METTL16: variants seen among roughly 807,000 people sequenced by gnomAD.
METTL16 encodes RNA N(6)-adenosine-methyltransferase METTL16.
A neutral mutation model predicts 57.9 loss-of-function variants in METTL16; 19 were observed. The observed-to-expected ratio is 0.33, with a 90% CI of 0.23 to 0.48. The LOEUF is 0.48. Among genes scored for constraint, METTL16 ranks in the 20% least tolerant of loss-of-function variants. The probability of loss-of-function intolerance (pLI) is 0.99; values close to 1 mark genes in which losing one functional copy is unlikely to be tolerated. For missense variants in METTL16, 434 were observed against 691.5 expected, an observed-to-expected ratio of 0.63 and a Z score of 4.18; for synonymous variants, 246 against 255.6, an observed-to-expected ratio of 0.96 and a Z score of 0.36.
chr17:2,429,093 G>T (rs2066849629), intron 8 of METTL16, among the ~76,000 whole-genome samples: 1 of 151,972 alleles, frequency 6.6e-6, no homozygotes, highest in Non-Finnish European at 1.5e-5. Context: ...CCCGACCTCA[G>T]GTGATCCACC....
intron 6 of METTL16, among the ~76,000 whole-genome samples, chr17:2,462,554 C>A (rs2067158141): frequency 6.6e-6 from 1 of 152,150 alleles, no homozygotes; most frequent in African/African-American, 2.4e-5. Context: ...ATCCTGAGGG[C>A]AGATTTCCCC....
intron 2 of METTL16, among the ~76,000 whole-genome samples, chr17:2,483,010 G>A (rs1019333138): frequency 6.7e-6 from 1 of 149,810 alleles, no homozygotes; most frequent in African/African-American, 2.5e-5. Flanking sequence ...GTGAAAATCA[G>A]ATCATATAGT....
At position 2,416,693 on chromosome 17, in the gene METTL16, C is replaced by T. The variant is rs2066718948; in HGVS notation, c.*3277G>A. 1 of 152,112 alleles carries T rather than the reference C, an allele frequency of 6.6e-6. No homozygotes were observed. The highest frequency in any genetic ancestry group is 1.5e-5 in the Non-Finnish European group (1 of 68,024). The allele number at this position is 152,112 out of a possible 1,614,324, so 9.4% of individuals were successfully genotyped here. ...CTTCAGTTATCAGGAGACCAGAAGC[C>T]GATTCTAGGGACCAGAAGAGAATGT... On this transcript the variant is annotated 3_prime_UTR_variant, in exon 10 of 10. Transcript: ENST00000263092.
rs550371919 is a variant in METTL16 at position 2,467,712 on chromosome 17, C to T, written c.585+49G>A. ...AAGTGCAGGGATTACAGGCGTGAGC[C>T]ACCGCGCCCAGCCTATATTCAATTA... On this transcript the variant is annotated intron_variant, in intron 5 of 9. Transcript: ENST00000263092. The T allele has an allele frequency of 6.8e-5, 99 of 1,459,070 alleles. 1 individual carries two copies. The South Asian group carries it at 1.1e-3, about 16-fold the overall frequency. 90.4% of individuals were successfully genotyped at this position (1,459,070 alleles called of 1,614,324 possible). A position where few individuals can be genotyped will look rare whatever the true frequency, so the allele number is the denominator to read the frequency against.
intron 7 of METTL16, among the ~76,000 whole-genome samples, chr17:2,439,700 T>C (rs940807008): frequency 1.3e-5 from 2 of 152,184 alleles, no homozygotes; most frequent in Admixed American, 1.3e-4. Flanking sequence ...GGTTTTTTGA[T>C]TTCTGGCTTC....
chr17:2,507,463 G>A (rs1413168236), intron 1 of METTL16, among the ~76,000 whole-genome samples: 1 of 149,632 alleles, frequency 6.7e-6, no homozygotes. Context: ...GAAGTGAGGA[G>A]CCCCTCTGCC....
At chr17:2,471,154 T>C (rs2067232023) in intron 4 of METTL16, among the ~76,000 whole-genome samples, 1 of 152,150 alleles carries the variant, frequency 6.6e-6, no homozygotes, top group African/African-American at 2.4e-5. Flanking sequence ...ATCACAGACC[T>C]AAATGTAAAA....
intron 8 of METTL16, among the ~76,000 whole-genome samples, chr17:2,425,827 T>C (rs1402467380): frequency 1.3e-5 from 2 of 152,064 alleles, no homozygotes; most frequent in Admixed American, 6.6e-5. Context: ...GCAGGGACTA[T>C]AGGTGTGTGC....
Position 2,418,223 on chromosome 17 carries a change from CAT to C in METTL16, c.*1745_*1746del, listed in dbSNP as rs749803323. On this transcript the variant is annotated 3_prime_UTR_variant, in exon 10 of 10. Coordinates refer to ENST00000263092, the MANE Select transcript of METTL16 (RefSeq NM_024086.4). Reference sequence around the variant, plus strand: ...ACACACACACACACACACACACACACATGCTCACAGAGCTTTTAGAAGTAACT... The same window carrying C: ...ACACACACACACACACACACACACACGCTCACAGAGCTTTTAGAAGTAACT... 5 of 148,222 alleles carry C rather than the reference CAT, an allele frequency of 3.4e-5. No individual in the cohort carries two copies. In the East Asian group the frequency reaches 6.1e-4, roughly 18 times the overall value. 9.2% of individuals were successfully genotyped at this position (148,222 alleles called of 1,614,324 possible). A position where few individuals can be genotyped will look rare whatever the true frequency, so the allele number is the denominator to read the frequency against.
chr17:2,500,269 CT>C lies in METTL16; in HGVS notation c.128+1934del, dbSNP rs1379329564. ...CCTCAAGCCCTATGATCCTAATCTT[CT>C]TTTTTTCTTTTTTCTTTTTTTTTTG... On this transcript the variant is annotated intron_variant, in intron 2 of 9. Transcript: ENST00000263092. 1.4e-3 allele frequency among the ~76,000 whole-genome samples: 196 copies of C among 145,028 alleles called. 1 individual carries two copies. Among genetic ancestry groups the C allele is most frequent in the African/African-American group, 5.0e-3 (184 of 36,884 alleles).
chr17:2,493,314 C>A (rs1376715459), intron 2 of METTL16, among the ~76,000 whole-genome samples: 2 of 151,340 alleles, frequency 1.3e-5, no homozygotes, highest in African/African-American at 4.8e-5. Flanking sequence ...TAGTCTTGAT[C>A]TCCTGACCTC....
intron 4 of METTL16, among the ~76,000 whole-genome samples, chr17:2,469,253 AAAAT>A (rs931380998): frequency 1.3e-5 from 2 of 152,214 alleles, no homozygotes; most frequent in East Asian, 1.9e-4. Context: ...ATAAAAAATA[AAAAT>A]AAATAAATAA....
intron 2 of METTL16, among the ~76,000 whole-genome samples, chr17:2,486,488 G>A (rs1038865660): frequency 6.6e-6 from 1 of 152,060 alleles, no homozygotes; most frequent in South Asian, 2.1e-4. Flanking sequence ...AGGCAGGATG[G>A]TCTCAATCTC....
At chr17:2,472,287 C>T (rs1423531451) in intron 4 of METTL16, among the ~76,000 whole-genome samples, 1 of 152,182 alleles carries the variant, frequency 6.6e-6, no homozygotes, top group Non-Finnish European at 1.5e-5. Flanking sequence ...ACACCGACAG[C>T]ACCCAGCACC....
intron 2 of METTL16, among the ~76,000 whole-genome samples, chr17:2,493,570 T>G (rs948520192): frequency 6.6e-6 from 1 of 151,868 alleles, no homozygotes; most frequent in South Asian, 2.1e-4. Context: ...AATACAAAAA[T>G]TAGCCAGCTG....
At chr17:2,499,915 G>A (rs915893743) in intron 2 of METTL16, among the ~76,000 whole-genome samples, 1 of 152,034 alleles carries the variant, frequency 6.6e-6, no homozygotes, top group Non-Finnish European at 1.5e-5. Context: ...ACCACACCCA[G>A]CTAATTTTTT....
intron 6 of METTL16, chr17:2,455,087 CT>C (rs954892604): frequency 0.013 from 1,425 of 112,076 alleles, 2 homozygotes; most frequent in Middle Eastern, 0.035. Context: ...TGCCCAGGTA[CT>C]TTTTTTTTTT....
At chr17:2,444,750 G>C (rs921504214) in intron 6 of METTL16, among the ~76,000 whole-genome samples, 1 of 143,064 alleles carries the variant, frequency 7.0e-6, no homozygotes, top group East Asian at 2.1e-4. Flanking sequence ...GTTTCGCTCT[G>C]TCGCCCAGGC....
At chr17:2,475,994 G>A (rs924941619) in intron 3 of METTL16, among the ~76,000 whole-genome samples, 2 of 152,214 alleles carry the variant, frequency 1.3e-5, no homozygotes, top group African/African-American at 4.8e-5. Context: ...GGTGAGAGAC[G>A]ATGACTTGGC....
Sources: allele counts gnomAD v4.1 joint callset (sites outside exome capture counted in the v4.1 genomes callset), GRCh38; gene constraint gnomAD v4.1.1; transcripts MANE v1.5; gene names NCBI Gene and HGNC (gene_info 2026-07-23, HGNC 2026-07-21).